GPC6: variants seen among roughly 807,000 people sequenced by gnomAD.
GPC6 encodes glypican 6.
In GPC6, 14 loss-of-function variants were observed where a neutral mutation model predicts 55.2. The ratio of observed to expected loss-of-function variants is 0.25; its 90% CI spans 0.17 to 0.40. GPC6 has a LOEUF of 0.40. Ranked by LOEUF, GPC6 falls within the 10% of genes least tolerant of loss-of-function variation. GPC6 has a pLI of 1.00. For synonymous variants in GPC6, 278 were observed against 259.6 expected (o/e 1.07, Z -0.68); for missense variants, 641 against 708.5 (o/e 0.90, Z 1.08).
intron 4 of GPC6, among the ~76,000 whole-genome samples, chr13:94,201,896 C>T (rs1196031671): frequency 2.6e-5 from 4 of 152,090 alleles, no homozygotes; most frequent in African/African-American, 9.7e-5. Flanking sequence ...TTGCAGTGAG[C>T]CGAGATTGTG....
chr13:93,438,216 T>G (rs551832037), intron 1 of GPC6, among the ~76,000 whole-genome samples: 30 of 152,272 alleles, frequency 2.0e-4, no homozygotes, highest in African/African-American at 7.2e-4. Flanking sequence ...ATTCATGTTG[T>G]TTTCATTCCT....
chr13:93,873,193 T>C (rs1023296033), intron 3 of GPC6, among the ~76,000 whole-genome samples: 3 of 151,980 alleles, frequency 2.0e-5, no homozygotes, highest in Non-Finnish European at 2.9e-5. Flanking sequence ...ACTGTTCACA[T>C]TGCTATTTGC....
intron 4 of GPC6, among the ~76,000 whole-genome samples, chr13:94,220,264 C>G (rs1180725327): frequency 6.6e-6 from 1 of 152,088 alleles, no homozygotes; most frequent in Non-Finnish European, 1.5e-5. Context: ...CACATACGTT[C>G]CAAGTCCTCT....
chr13:93,226,036 C>T (rs72633945), upstream of GPC6, among the ~76,000 whole-genome samples: 1 of 152,064 alleles, frequency 6.6e-6, no homozygotes, highest in Non-Finnish European at 1.5e-5. Context: ...ACTTTTATCC[C>T]GTTCACAGAA....
At chr13:94,333,491 C>A (rs1770213077) in intron 6 of GPC6, among the ~76,000 whole-genome samples, 1 of 152,206 alleles carries the variant, frequency 6.6e-6, no homozygotes, top group South Asian at 2.1e-4. Flanking sequence ...CCTGGTGAAT[C>A]CTAAAAGGAA....
chr13:94,217,174 G>A (rs1463456502), intron 4 of GPC6, among the ~76,000 whole-genome samples: 3 of 152,200 alleles, frequency 2.0e-5, no homozygotes, highest in Non-Finnish European at 4.4e-5. Context: ...TGAGGGGACA[G>A]AATAACAAGT....
chr13:94,286,622 G>A (rs1286696585), intron 5 of GPC6, 143 bp downstream of exon 5: 5 of 731,954 alleles, frequency 6.8e-6, no homozygotes, highest in Non-Finnish European at 1.1e-5. Flanking sequence ...CCACAAATTT[G>A]CTACTTCATT....
At chr13:93,438,203 G>A (rs987897550) in intron 1 of GPC6, among the ~76,000 whole-genome samples, 2 of 152,148 alleles carry the variant, frequency 1.3e-5, no homozygotes, top group Admixed American at 1.3e-4. Flanking sequence ...GATGTACAAG[G>A]AGATTCATGT....
intron 3 of GPC6, among the ~76,000 whole-genome samples, chr13:93,976,857 A>G (rs967991354): frequency 3.3e-5 from 5 of 151,994 alleles, no homozygotes; most frequent in African/African-American, 9.7e-5. Flanking sequence ...CTTAGAATTA[A>G]CATATCCATA....
At chr13:94,379,112 A>G (rs1311926623) in intron 6 of GPC6, among the ~76,000 whole-genome samples, 1 of 152,350 alleles carries the variant, frequency 6.6e-6, no homozygotes, top group South Asian at 2.1e-4. Context: ...CAGAGCAGTT[A>G]CATATATTAT....
chr13:93,619,453 T>C (rs947421424), intron 2 of GPC6, among the ~76,000 whole-genome samples: 12 of 152,284 alleles, frequency 7.9e-5, no homozygotes, highest in Admixed American at 2.0e-4. Flanking sequence ...TTTTTTGTTG[T>C]TGTTCTGTTT....
At chr13:93,986,905 T>C (rs1046640629) in intron 3 of GPC6, among the ~76,000 whole-genome samples, 2 of 152,196 alleles carry the variant, frequency 1.3e-5, no homozygotes, top group Admixed American at 6.5e-5. Flanking sequence ...CAAAATATAG[T>C]ACTGATATTT....
chr13:93,523,719 T>C (rs1199836986), intron 1 of GPC6, among the ~76,000 whole-genome samples: 1 of 152,062 alleles, frequency 6.6e-6, no homozygotes, highest in Admixed American at 6.6e-5. Context: ...TGATGTTGCT[T>C]TGCTAACTTT....
At chr13:93,772,041 C>T (rs1885317438) in intron 2 of GPC6, among the ~76,000 whole-genome samples, 1 of 152,106 alleles carries the variant, frequency 6.6e-6, no homozygotes, top group South Asian at 2.1e-4. Context: ...GAAGAATTTC[C>T]ATATCATATC....
chr13:93,561,627 C>T (rs1445500501), intron 2 of GPC6, among the ~76,000 whole-genome samples: 2 of 151,924 alleles, frequency 1.3e-5, no homozygotes, highest in Admixed American at 1.3e-4. Context: ...AATGGAGGAT[C>T]ATTTGTAGGA....
chr13:94,238,014 G>C (rs553398242), intron 4 of GPC6, among the ~76,000 whole-genome samples: 1 of 152,136 alleles, frequency 6.6e-6, no homozygotes, highest in East Asian at 1.9e-4. Flanking sequence ...TTTTGGAAGA[G>C]GAATTAGTAG....
chr13:93,854,567 G>A (rs1208573145), intron 3 of GPC6, among the ~76,000 whole-genome samples: 1 of 151,588 alleles, frequency 6.6e-6, no homozygotes, highest in Non-Finnish European at 1.5e-5. Flanking sequence ...TGAAATACAT[G>A]TTAAAATTAT....
intron 2 of GPC6, among the ~76,000 whole-genome samples, chr13:93,553,106 T>G (rs1457339759): frequency 6.6e-6 from 1 of 152,172 alleles, no homozygotes; most frequent in Non-Finnish European, 1.5e-5. Flanking sequence ...TGATCTTCAG[T>G]GGGACAGTGG....
chr13:93,989,919 CATATATATATATGT>C (rs1048128439), intron 3 of GPC6, among the ~76,000 whole-genome samples: 8 of 119,284 alleles, frequency 6.7e-5, no homozygotes, highest in Non-Finnish European at 1.3e-4. Context: ...TATATACACA[CATATATATATATGT>C]ATATATATAT....
Sources: gnomAD v4.1 joint callset for allele counts (sites outside exome capture counted in the v4.1 genomes callset) on GRCh38, gnomAD v4.1.1 for gene constraint, MANE v1.5 for transcripts, NCBI Gene and HGNC (gene_info 2026-07-23, HGNC 2026-07-21) for gene names.